The following TMEM266 variants were observed in gnomAD, a reference collection of about 807,000 sequenced individuals.
TMEM266 encodes the protein Hv1 related protein 1.
In TMEM266, 33 loss-of-function variants were observed where a neutral mutation model predicts 50.5. The ratio of observed to expected loss-of-function variants is 0.65; its 90% confidence interval spans 0.50 to 0.87. The LOEUF (loss-of-function observed/expected upper bound fraction) is 0.87, where lower values mean the gene tolerates loss of function less well. Among genes scored for constraint, TMEM266 ranks in the 40% least tolerant of loss-of-function variants. TMEM266 has a pLI of 0.00. For missense variants in TMEM266, 655 were observed against 695.1 expected (o/e 0.94, Z 0.65); for synonymous variants, 310 against 292.3 (o/e 1.06, Z -0.62).
In TMEM266 at chr15:76,156,588, A is replaced by C. The variant is rs764878912; in HGVS notation, c.228-16A>C. ...CCCACTCTGAGCCTCTCTTCTCCCC[A>C]CTTTTGTCCCCACAGGTCTAACTGG... On this transcript the variant is annotated splice_polypyrimidine_tract_variant and intron_variant, in intron 3 of 10. Coordinates refer to ENST00000388942, the MANE Select transcript of TMEM266 (RefSeq NM_152335.3). 4 of 1,612,662 alleles carry C rather than the reference A, an allele frequency of 2.5e-6. No homozygotes were observed. The African/African-American group carries it at 4.0e-5, about 16-fold the overall frequency.
At position 76,137,898 on chromosome 15, in the gene TMEM266, A is replaced by G. The variant is rs764772320; in HGVS notation, c.227+3A>G. On this transcript the variant is annotated splice_donor_region_variant and intron_variant, in intron 3 of 10. Transcript: ENST00000388942. ...GACGAAGATTACCAAAGAGAAGGGT[A>G]GGTGCTGGGACCATTGAGCTAGCTA... 1.3e-6 allele frequency: 2 copies of G among 1,569,316 alleles called. No individual in the cohort carries two copies. The highest frequency in any genetic ancestry group is 2.7e-5 in the African/African-American group (2 of 73,498).
In TMEM266 at chr15:76,105,170, C is replaced by G. The variant is rs1213325272; in HGVS notation, c.-96-28998C>G. Among the ~76,000 whole-genome samples the G allele has an allele frequency of 2.6e-5, 4 of 152,216 alleles. No homozygotes were observed. The South Asian group carries it at 8.3e-4, about 32-fold the overall frequency. On this transcript the variant is annotated intron_variant, in intron 1 of 10. Coordinates refer to ENST00000388942, the MANE Select transcript of TMEM266 (RefSeq NM_152335.3). ...CTGAGACAGAAAAATCGCTTGAACC[C>G]AGGAGGCGAAGGTTGCAGTAAGCAG...
At position 76,139,570 on chromosome 15, in the gene TMEM266, A is replaced by G. The variant is rs571175513; in HGVS notation, c.227+1675A>G. Among the ~76,000 whole-genome samples, 4 of 152,314 alleles carry G rather than the reference A, an allele frequency of 2.6e-5. No homozygotes were observed. The highest frequency in any genetic ancestry group is 3.4e-3 in the Middle Eastern group (1 of 294). On this transcript the variant is annotated intron_variant, in intron 3 of 10. Transcript: ENST00000388942. The surrounding 1 kb of genome is among the most constrained non-coding windows in gnomAD (Gnocchi z 4.1). The stretch of plus-strand genomic sequence containing the variant: ...TAAATGCTCTGCCGCTGCTGTCTTG[A>G]AATTCTTAAGGAGCCCCACATTTTC...
At chr15:76,106,319 C>T (rs1206379718) in intron 1 of TMEM266, among the ~76,000 whole-genome samples, 1 of 152,146 alleles carries the variant, frequency 6.6e-6, no homozygotes, top group Non-Finnish European at 1.5e-5. Context: ...TAACTGCCCC[C>T]CAAACCATCT....
At chr15:76,148,980 C>T (rs957870744) in intron 3 of TMEM266, among the ~76,000 whole-genome samples, 2 of 152,150 alleles carry the variant, frequency 1.3e-5, no homozygotes, top group African/African-American at 4.8e-5. Flanking sequence ...CACCTTTCAC[C>T]TCCATCCTGA....
At position 76,204,483 on chromosome 15, in the gene TMEM266, C is replaced by A; in HGVS notation, c.*168C>A. 1.7e-6 allele frequency: 1 copy of A among 601,024 alleles called. No homozygotes were observed. The highest frequency in any genetic ancestry group is 2.6e-5 in the South Asian group (1 of 38,536). The allele number at this position is 601,024 out of a possible 1,614,324, so 37.2% of individuals were successfully genotyped here. A position where few individuals can be genotyped will look rare whatever the true frequency, so the allele number is the denominator to read the frequency against. ...CGCCAGGCCAGGAGGCCACAAGCTTCAGACCTCAAAGCCCAGAGCTGGCGC... is the reference window on the plus strand; with the variant it reads ...CGCCAGGCCAGGAGGCCACAAGCTTAAGACCTCAAAGCCCAGAGCTGGCGC... On this transcript the variant is annotated 3_prime_UTR_variant, in exon 11 of 11. Transcript: ENST00000388942.
At chr15:76,142,641 G>A (rs929774613) in intron 3 of TMEM266, among the ~76,000 whole-genome samples, 1 of 152,172 alleles carries the variant, frequency 6.6e-6, no homozygotes, top group Admixed American at 6.5e-5. Flanking sequence ...GGTGTGAGGT[G>A]GTTTGGTGTG....
chr15:76,099,097 T>C (rs2036961629), intron 1 of TMEM266, among the ~76,000 whole-genome samples: 1 of 152,182 alleles, frequency 6.6e-6, no homozygotes. Context: ...AATGGTTCTA[T>C]CTCACTGTCG....
Position 76,203,753 on chromosome 15 carries a change from C to T in TMEM266, c.1034C>T (p.Pro345Leu). Reference sequence around the variant, plus strand: ...TCCTACCTTGCAGACAGCGGTGTCCCAGAGCCAGCTGTGTGTATGGTCACC... The same window carrying T: ...TCCTACCTTGCAGACAGCGGTGTCCTAGAGCCAGCTGTGTGTATGGTCACC... Residue 345 changes from proline to leucine, a missense_variant, in exon 11 of 11, where the codon CCA becomes CTA. This residue lies in a region of TMEM266 where 455 missense variants were observed against 401.8 expected (regional missense o/e 1.13). Transcript: ENST00000388942. 6.2e-7 allele frequency: 1 copy of T among 1,612,822 alleles called. No individual in the cohort carries two copies. Among genetic ancestry groups the T allele is most frequent in the Non-Finnish European group, 8.5e-7 (1 of 1,178,950 alleles).
chr15:76,080,501 A>G (rs931872442), intron 1 of TMEM266, among the ~76,000 whole-genome samples: 3 of 151,380 alleles, frequency 2.0e-5, no homozygotes, highest in South Asian at 2.1e-4. Context: ...CGCCCGCCTT[A>G]GCCTCCCAAA....
At chr15:76,167,467 C>CA (rs552656577) in intron 5 of TMEM266, among the ~76,000 whole-genome samples, 36,061 of 101,036 alleles carry the variant, frequency 0.36, 5,124 homozygotes, top group Middle Eastern at 0.45. Context: ...GAGACTGTTT[C>CA]AAAAAAAAAA....
At chr15:76,130,787 T>C (rs145268132) in intron 1 of TMEM266, among the ~76,000 whole-genome samples, 95 of 152,328 alleles carry the variant, frequency 6.2e-4, no homozygotes, top group Non-Finnish European at 1.1e-3. Context: ...TTCTCTACAA[T>C]TGTATATATT....
intron 3 of TMEM266, among the ~76,000 whole-genome samples, chr15:76,141,912 C>A (rs1219607229): frequency 6.6e-6 from 1 of 152,208 alleles, no homozygotes; most frequent in Non-Finnish European, 1.5e-5. Flanking sequence ...TAGCATGTGT[C>A]AGAATTTCTT....
chr15:76,148,151 G>A (rs528328322), intron 3 of TMEM266, among the ~76,000 whole-genome samples: 8 of 152,322 alleles, frequency 5.3e-5, no homozygotes, highest in African/African-American at 1.9e-4. Flanking sequence ...GATGTTTCCT[G>A]GAGAGAGGGG....
At chr15:76,167,670 G>T (rs1464174008) in intron 5 of TMEM266, among the ~76,000 whole-genome samples, 5 of 151,806 alleles carry the variant, frequency 3.3e-5, no homozygotes, top group Non-Finnish European at 7.4e-5. Context: ...CCCGGCTAAT[G>T]ATTGTAGTTT....
intron 1 of TMEM266, among the ~76,000 whole-genome samples, chr15:76,100,304 A>G (rs1321290819): frequency 6.6e-6 from 1 of 152,330 alleles, no homozygotes; most frequent in Non-Finnish European, 1.5e-5. Context: ...TTGAATTGTT[A>G]TTACTATGTA....
At chr15:76,158,561 CAGG>C (rs1158939845) in intron 4 of TMEM266, among the ~76,000 whole-genome samples, 1 of 152,114 alleles carries the variant, frequency 6.6e-6, no homozygotes, top group African/African-American at 2.4e-5. Flanking sequence ...ATTAAGTATC[CAGG>C]AGATTGATTT....
At chr15:76,114,757 T>C (rs1308271851) in intron 1 of TMEM266, among the ~76,000 whole-genome samples, 2 of 152,200 alleles carry the variant, frequency 1.3e-5, no homozygotes, top group African/African-American at 2.4e-5. Flanking sequence ...CACAGTGTTG[T>C]GCAATCATTA....
intron 1 of TMEM266, among the ~76,000 whole-genome samples, chr15:76,133,224 A>G (rs1286141084): frequency 6.6e-6 from 1 of 152,116 alleles, no homozygotes; most frequent in African/African-American, 2.4e-5. Flanking sequence ...ACCTGAGGTT[A>G]GTAATTCGAG....
Sources: gnomAD v4.1 joint callset for allele counts (sites outside exome capture counted in the v4.1 genomes callset) on GRCh38, gnomAD v4.1.1 for gene constraint, gnomAD v4.1.1 regional missense constraint, Gnocchi (gnomAD v3.1) non-coding constraint, MANE v1.5 for transcripts, NCBI Gene and HGNC (gene_info 2026-07-23, HGNC 2026-07-21) for gene names.